The following RSPH10B variants were observed in gnomAD, a reference collection of about 807,000 sequenced individuals.
RSPH10B encodes radial spoke head 10 homolog B (Chlamydomonas).
Under a neutral mutation model 52.5 loss-of-function variants are expected in RSPH10B, and 7 were observed. The ratio of observed to expected loss-of-function variants is 0.13; its 90% CI spans 0.08 to 0.25. RSPH10B has a LOEUF of 0.25. Among genes scored for constraint, RSPH10B ranks in the 10% least tolerant of loss-of-function variants. The pLI, the probability that RSPH10B is intolerant of heterozygous loss-of-function variation, is 1.00. For missense variants in RSPH10B, 89 were observed against 542.5 expected, an observed-to-expected ratio of 0.16 and a Z score of 8.30; for synonymous variants, 28 against 193.2, an observed-to-expected ratio of 0.14 and a Z score of 7.09.
intron 11 of RSPH10B, among the ~76,000 whole-genome samples, chr7:5,944,485 G>A (rs1780387494): frequency 6.7e-6 from 1 of 149,826 alleles, no homozygotes; most frequent in South Asian, 2.1e-4. Context: ...TCTGACATAA[G>A]AAAGAAGACT....
chr7:5,940,056 G>A (rs925104215), intron 13 of RSPH10B, among the ~76,000 whole-genome samples: 3 of 129,656 alleles, frequency 2.3e-5, no homozygotes, highest in East Asian at 4.0e-4. Flanking sequence ...AATTAGCTGC[G>A]CATGGTGGCG....
At chr7:5,938,333 C>T (rs1310320008) in intron 14 of RSPH10B, among the ~76,000 whole-genome samples, 63 of 113,178 alleles carry the variant, frequency 5.6e-4, no homozygotes, top group African/African-American at 1.7e-3. Flanking sequence ...TTTGGGAGGC[C>T]GAGGCAGGTG....
At chr7:5,927,031 G>GTGTGTGTATATTA (rs1779474956) in intron 18 of RSPH10B, among the ~76,000 whole-genome samples, 1 of 49,208 alleles carries the variant, frequency 2.0e-5, no homozygotes, top group Non-Finnish European at 4.2e-5. Flanking sequence ...ACGTGTGTGT[G>GTGTGTGTATATTA]TGTGTGTGTG....
At chr7:5,956,888 GT>G (rs1183760256) in intron 6 of RSPH10B, among the ~76,000 whole-genome samples, 39 of 100,422 alleles carry the variant, frequency 3.9e-4, no homozygotes, top group Middle Eastern at 4.0e-3. Context: ...AAAGATACCA[GT>G]TGGGCTGGGT....
At position 5,928,634 on chromosome 7, in the gene RSPH10B, G is replaced by T. The variant is rs866600092; in HGVS notation, c.2234-240C>A. 5.0e-3 allele frequency among the ~76,000 whole-genome samples: 600 copies of T among 120,472 alleles called. 14 individuals are homozygous for T. Among genetic ancestry groups the T allele is most frequent in the African/African-American group, 0.018 (550 of 31,310 alleles). 79.0% of individuals were successfully genotyped at this position (120,472 alleles called of 152,430 possible). A position where few individuals can be genotyped will look rare whatever the true frequency, so the allele number is the denominator to read the frequency against. On this transcript the variant is annotated intron_variant, in intron 17 of 18. Transcript: ENST00000337579. ...CCTGCTACCTCGTTTTTTCTTTTTT[G>T]TTTTTTTTTTTTTTGGAGACAGAAT...
At chr7:5,963,557 T>A (rs1780985763) in intron 3 of RSPH10B, 1 of 114,038 alleles carries the variant, frequency 8.8e-6, no homozygotes, top group Admixed American at 9.3e-5. Flanking sequence ...ACTCTGCATT[T>A]GGGATTTTTA....
At chr7:5,965,899 G>A (rs1781088898) in intron 1 of RSPH10B, among the ~76,000 whole-genome samples, 187 bp from the exon 4 acceptor site, 1 of 121,774 alleles carries the variant, frequency 8.2e-6, no homozygotes, top group South Asian at 2.9e-4. Context: ...GGTGAGGAAT[G>A]AAGGCGTTTC....
chr7:5,933,590 C>T lies in RSPH10B; in HGVS notation c.2140-715G>A, dbSNP rs551958507. Among the ~76,000 whole-genome samples, 50 of 136,164 alleles carry T rather than the reference C, an allele frequency of 3.7e-4. 1 individual carries two copies. The highest frequency in any genetic ancestry group is 4.2e-3 in the Middle Eastern group (1 of 240). 89.3% of individuals were successfully genotyped at this position (136,164 alleles called of 152,430 possible). ...CTGGCTAACATGGGTGAAACCCCATCTCTACTAACAACACAAAAAATTAGC... is the reference window on the plus strand; with the variant it reads ...CTGGCTAACATGGGTGAAACCCCATTTCTACTAACAACACAAAAAATTAGC... On this transcript the variant is annotated intron_variant, in intron 16 of 18. Coordinates refer to ENST00000337579, the Ensembl canonical transcript of RSPH10B.
rs566037497 is a variant in RSPH10B, at chr7:5,955,102, T to A, written c.957+903A>T. Among the ~76,000 whole-genome samples, 179 of 138,380 alleles carry A rather than the reference T, an allele frequency of 1.3e-3. 2 individuals carry two copies. Among genetic ancestry groups the A allele is most frequent in the African/African-American group, 4.6e-3 (176 of 38,360 alleles). The allele number at this position is 138,380 out of a possible 152,430, so 90.8% of individuals were successfully genotyped here. On this transcript the variant is annotated intron_variant, in intron 7 of 18. Transcript: ENST00000337579. Reference sequence around the variant, plus strand: ...ATCACTTGCGCCCGGGAGGCAGAGGTTGCAGCGAGCCGAGATCATGCCACT... The same window carrying A: ...ATCACTTGCGCCCGGGAGGCAGAGGATGCAGCGAGCCGAGATCATGCCACT...
At chr7:5,944,508 T>C (rs1298170487) in intron 11 of RSPH10B, among the ~76,000 whole-genome samples, 1 of 149,288 alleles carries the variant, frequency 6.7e-6, no homozygotes, top group East Asian at 1.9e-4. Context: ...GTTGTGACTA[T>C]TTGTTTCTGC....
intron 18 of RSPH10B, 71 bp downstream of exon 20, chr7:5,928,125 G>T (rs559145901): frequency 1.2e-6 from 2 of 1,603,182 alleles, no homozygotes; most frequent in Non-Finnish European, 1.7e-6. Flanking sequence ...GTCCTGATGC[G>T]TTCTGGCAGC....
At chr7:5,928,519 A>C in intron 17 of RSPH10B, 125 bp from the exon 20 acceptor site, 1 of 1,454,974 alleles carries the variant, frequency 6.9e-7, no homozygotes, top group South Asian at 1.1e-5. Context: ...GAGAGGGGAG[A>C]GGAGTAAGGA....
intron 13 of RSPH10B, among the ~76,000 whole-genome samples, chr7:5,941,675 C>T (rs1285471718): frequency 5.0e-5 from 7 of 139,740 alleles, no homozygotes; most frequent in Admixed American, 3.7e-4. Context: ...ACCCGGGAGG[C>T]GGAGGTTGCA....
intron 18 of RSPH10B, chr7:5,927,983 T>G (rs1476115259): frequency 1.2e-6 from 1 of 819,482 alleles, no homozygotes; most frequent in African/African-American, 1.7e-5. Flanking sequence ...GAACAAAAGA[T>G]GCTCCCATTA....
Position 5,944,531 on chromosome 7 carries a change from G to A in RSPH10B, c.1529+533C>T, listed in dbSNP as rs1266223619. 2.4e-4 allele frequency among the ~76,000 whole-genome samples: 36 copies of A among 149,424 alleles called. No homozygotes were observed. In the South Asian group the frequency reaches 4.4e-3, roughly 18 times the overall value. ...TATTTGTTTCTGCATTAGAAACCCC[G>A]AGAGATATTTGCAGTATTGAACTGA... On this transcript the variant is annotated intron_variant, in intron 11 of 18. Transcript: ENST00000337579.
chr7:5,929,300 C>T (rs1395138163), intron 17 of RSPH10B, among the ~76,000 whole-genome samples: 1 of 139,544 alleles, frequency 7.2e-6, no homozygotes, highest in Non-Finnish European at 1.5e-5. Flanking sequence ...CCACCTCAGC[C>T]TCCCAAGTAG....
intron 13 of RSPH10B, among the ~76,000 whole-genome samples, chr7:5,941,875 A>C (rs1780210371): frequency 6.8e-6 from 1 of 147,742 alleles, no homozygotes; most frequent in Non-Finnish European, 1.5e-5. Flanking sequence ...GTTTTAAATG[A>C]TATCCATCCT....
At chr7:5,956,626 T>C (rs1780735991) in intron 6 of RSPH10B, among the ~76,000 whole-genome samples, 1 of 149,962 alleles carries the variant, frequency 6.7e-6, no homozygotes, top group Non-Finnish European at 1.5e-5. Flanking sequence ...GGCTAGAGTA[T>C]GGCACAATCT....
At chr7:5,927,068 A>AT (rs1162615266) in intron 18 of RSPH10B, among the ~76,000 whole-genome samples, 14 of 54,864 alleles carry the variant, frequency 2.6e-4, no homozygotes, top group African/African-American at 5.8e-4. Context: ...GTGTGTGTGT[A>AT]TATGTGTGTG....
Sources: allele counts gnomAD v4.1 joint callset (sites outside exome capture counted in the v4.1 genomes callset), GRCh38; gene constraint gnomAD v4.1.1; transcripts MANE v1.5; gene names NCBI Gene and HGNC (gene_info 2026-07-23, HGNC 2026-07-21).